The following PPP2R2B variants were observed in gnomAD, a reference collection of about 807,000 sequenced individuals.
PPP2R2B encodes the protein protein phosphatase 2 regulatory subunit Bbeta.
In PPP2R2B, 5 loss-of-function variants were observed where a neutral mutation model predicts 46.0. That is an observed-to-expected ratio of 0.11 (90% CI 0.06 to 0.23). The LOEUF (loss-of-function observed/expected upper bound fraction) is 0.23, where lower values mean the gene tolerates loss of function less well. PPP2R2B is among the 10% of genes least tolerant of loss of function. The pLI is 1.00. For synonymous variants in PPP2R2B, 215 were observed against 206.7 expected, an observed-to-expected ratio of 1.04 and a Z score of -0.34; for missense variants, 367 against 575.0, an observed-to-expected ratio of 0.64 and a Z score of 3.70.
At chr5:146,791,734 C>A (rs1236085549) in intron 2 of PPP2R2B, among the ~76,000 whole-genome samples, 2 of 152,198 alleles carry the variant, frequency 1.3e-5, no homozygotes, top group Admixed American at 1.3e-4. Context: ...AATCCCCAAA[C>A]CTTATGCTAC....
At chr5:146,650,058 T>TA (rs1184650380) in intron 6 of PPP2R2B, among the ~76,000 whole-genome samples, 1 of 152,214 alleles carries the variant, frequency 6.6e-6, no homozygotes, top group African/African-American at 2.4e-5. Flanking sequence ...ATATGCATAA[T>TA]ATACTTCAAT....
intron 2 of PPP2R2B, among the ~76,000 whole-genome samples, chr5:146,732,242 T>C (rs558700396): frequency 2.6e-5 from 4 of 152,370 alleles, no homozygotes; most frequent in Non-Finnish European, 4.4e-5. Context: ...TAACTTCTTT[T>C]GACCACAAGA....
chr5:146,956,165 CAT>C (rs1241133647), intron 1 of PPP2R2B, among the ~76,000 whole-genome samples: 2 of 152,094 alleles, frequency 1.3e-5, no homozygotes, highest in Admixed American at 1.3e-4. Context: ...GTAAAATACA[CAT>C]GTTCTTTGGG....
rs1211197915 is a variant in PPP2R2B, at chr5:146,861,054, CT to C, written c.70+16947del. Reference sequence around the variant, plus strand: ...TTCCAGCATTCAAACTGAATTTTTTCTTTTTTTTTTTTTTTTTTTTGAGACT... The same window carrying C: ...TTCCAGCATTCAAACTGAATTTTTTCTTTTTTTTTTTTTTTTTTTGAGACT... On this transcript the variant is annotated intron_variant, in intron 2 of 9. Coordinates refer to ENST00000394411, the MANE Select transcript of PPP2R2B (RefSeq NM_181675.4). 6.9e-4 allele frequency among the ~76,000 whole-genome samples: 70 copies of C among 101,708 alleles called. 1 individual carries two copies. The highest frequency in any genetic ancestry group is 1.3e-3 in the East Asian group (4 of 3,096). The allele number at this position is 101,708 out of a possible 152,430, so 66.7% of individuals were successfully genotyped here.
chr5:146,831,070 C>T (rs915675765), intron 2 of PPP2R2B, among the ~76,000 whole-genome samples: 1 of 152,004 alleles, frequency 6.6e-6, no homozygotes, highest in Admixed American at 6.6e-5. Context: ...AGAGCACATA[C>T]CGTTATGTAC....
At chr5:146,691,742 A>G (rs559412691) in intron 4 of PPP2R2B, among the ~76,000 whole-genome samples, 5 of 152,198 alleles carry the variant, frequency 3.3e-5, no homozygotes, top group African/African-American at 1.2e-4. Flanking sequence ...CCCCCTGTCC[A>G]TCCTCTCCCT....
chr5:146,658,219 C>A (rs1342908379), intron 5 of PPP2R2B, among the ~76,000 whole-genome samples: 1 of 152,142 alleles, frequency 6.6e-6, no homozygotes, highest in Non-Finnish European at 1.5e-5. Context: ...TGCTCTGGGA[C>A]CACAGGTTTG....
intron 2 of PPP2R2B, among the ~76,000 whole-genome samples, chr5:146,731,992 G>T (rs1752260402): frequency 6.6e-6 from 1 of 152,084 alleles, no homozygotes; most frequent in Non-Finnish European, 1.5e-5. Flanking sequence ...TTAAGATAAG[G>T]TCCAGGAACT....
chr5:146,824,055 T>C lies in PPP2R2B; in HGVS notation c.70+53947A>G, dbSNP rs141319263. On this transcript the variant is annotated intron_variant, in intron 2 of 9. Coordinates refer to ENST00000394411, the MANE Select transcript of PPP2R2B (RefSeq NM_181675.4). Reference sequence around the variant, plus strand: ...CAACAGGTTTCCACTGTCATCTTCTTCACTTATAAGCAGCTAAGCCACAAA... The same window carrying C: ...CAACAGGTTTCCACTGTCATCTTCTCCACTTATAAGCAGCTAAGCCACAAA... 3.2e-3 allele frequency among the ~76,000 whole-genome samples: 492 copies of C among 152,268 alleles called. 8 individuals carry two copies. The highest frequency in any genetic ancestry group is 2.7e-3 in the Non-Finnish European group (181 of 68,012).
chr5:146,770,027 T>C (rs928599544), intron 2 of PPP2R2B, among the ~76,000 whole-genome samples: 2 of 151,816 alleles, frequency 1.3e-5, no homozygotes, highest in African/African-American at 4.8e-5. Context: ...ATAACCTAAA[T>C]GTAAAAGAAT....
chr5:146,923,513 C>G (rs1763679377), intron 1 of PPP2R2B, among the ~76,000 whole-genome samples: 1 of 152,160 alleles, frequency 6.6e-6, no homozygotes, highest in Non-Finnish European at 1.5e-5. Flanking sequence ...CATTGGCATT[C>G]CTAATAAACA....
chr5:146,981,381 T>C (rs1443391463), intron 1 of PPP2R2B, among the ~76,000 whole-genome samples: 21 of 151,578 alleles, frequency 1.4e-4, no homozygotes, highest in Admixed American at 1.1e-3. Flanking sequence ...TAATGAGTTA[T>C]TTTTTTTTCT....
chr5:146,899,784 C>G (rs1320151803), intron 1 of PPP2R2B, among the ~76,000 whole-genome samples: 2 of 152,176 alleles, frequency 1.3e-5, no homozygotes, highest in East Asian at 3.9e-4. Flanking sequence ...ACTTGAAGAG[C>G]TATTTCCCAA....
intron 2 of PPP2R2B, among the ~76,000 whole-genome samples, chr5:146,744,291 A>G (rs913130724): frequency 1.4e-4 from 21 of 152,298 alleles, no homozygotes; most frequent in East Asian, 3.9e-4. Context: ...AGATTTCAGG[A>G]TGGAGTGGCA....
At chr5:146,946,093 T>G (rs182417611) in intron 1 of PPP2R2B, among the ~76,000 whole-genome samples, 1 of 152,292 alleles carries the variant, frequency 6.6e-6, no homozygotes, top group Admixed American at 6.5e-5. Flanking sequence ...TAAAATGATT[T>G]ATCTAAAATC....
intron 2 of PPP2R2B, among the ~76,000 whole-genome samples, chr5:146,750,523 T>C (rs1319433372): frequency 1.3e-5 from 2 of 152,204 alleles, no homozygotes; most frequent in Non-Finnish European, 2.9e-5. Context: ...CATGCAGGCT[T>C]CTTGTGATAG....
chr5:146,926,122 C>T (rs551019946), intron 1 of PPP2R2B, among the ~76,000 whole-genome samples: 51 of 152,122 alleles, frequency 3.4e-4, no homozygotes, highest in South Asian at 2.3e-3. Context: ...TTTTTGTCCA[C>T]GAATATTTGG....
chr5:146,648,816 G>A (rs1775750117), intron 6 of PPP2R2B, among the ~76,000 whole-genome samples: 1 of 152,134 alleles, frequency 6.6e-6, no homozygotes, highest in Admixed American at 6.6e-5. Flanking sequence ...GAAGAATAAG[G>A]TTTACTTAGG....
In PPP2R2B at chr5:146,878,392, T is replaced by C. The variant is rs1762027823; in HGVS notation, c.-124-197A>G. 9 of 1,425,842 alleles carry C rather than the reference T, an allele frequency of 6.3e-6. No individual in the cohort carries two copies. The highest frequency in any genetic ancestry group is 1.4e-5 in the African/African-American group (1 of 69,344). 88.3% of individuals were successfully genotyped at this position (1,425,842 alleles called of 1,614,324 possible). ...CCAAGATACGCCGTGCCCCGAGGGGTCTGGTCCCGCCCGCCCGCCCCGGAG... is the reference window on the plus strand; with the variant it reads ...CCAAGATACGCCGTGCCCCGAGGGGCCTGGTCCCGCCCGCCCGCCCCGGAG... On this transcript the variant is annotated intron_variant, in intron 1 of 9. Coordinates refer to ENST00000394411, the MANE Select transcript of PPP2R2B (RefSeq NM_181675.4). The surrounding 1 kb of genome is among the most constrained non-coding windows in gnomAD (Gnocchi z 4.5).
Sources: allele counts gnomAD v4.1 joint callset (sites outside exome capture counted in the v4.1 genomes callset), GRCh38; gene constraint gnomAD v4.1.1; non-coding constraint Gnocchi (gnomAD v3.1); transcripts MANE v1.5; gene names NCBI Gene and HGNC (gene_info 2026-07-23, HGNC 2026-07-21).